The following MCC variants were observed in gnomAD, a reference collection of about 807,000 sequenced individuals.
MCC encodes MCC regulator of Wnt signaling pathway.
In MCC, 90 loss-of-function variants were observed where a neutral mutation model predicts 116.2. That is an observed-to-expected ratio of 0.77 (90% CI 0.65 to 0.92). The LOEUF is 0.92. Ranked by LOEUF, MCC falls within the 40% of genes least tolerant of loss-of-function variation. MCC has a pLI of 0.00. For synonymous variants in MCC, 578 were observed against 510.5 expected (o/e 1.13, Z -1.78); for missense variants, 1,516 against 1,312.2 (o/e 1.16, Z -2.40).
At chr5:113,379,229 T>G (rs1185648797) in intron 2 of MCC, among the ~76,000 whole-genome samples, 1 of 152,242 alleles carries the variant, frequency 6.6e-6, no homozygotes, top group Non-Finnish European at 1.5e-5. Context: ...ATCATCTCTT[T>G]CAACAGACTG....
At chr5:113,386,766 T>TATATATATATATATATATAC (rs1221535851) in intron 1 of MCC, among the ~76,000 whole-genome samples, 1 of 150,620 alleles carries the variant, frequency 6.6e-6, no homozygotes, top group Non-Finnish European at 1.5e-5. Context: ...TATATATATA[T>TATATATATATATATATATAC]ATATATATGC....
chr5:113,414,613 G>T (rs181717746), intron 1 of MCC, among the ~76,000 whole-genome samples: 4,440 of 151,596 alleles, frequency 0.029, 116 homozygotes, highest in Non-Finnish European at 0.039. Context: ...GCTTCCATTT[G>T]CTTGGTAGAT....
intron 3 of MCC, among the ~76,000 whole-genome samples, chr5:113,216,429 C>G (rs527773137): frequency 6.6e-6 from 1 of 152,158 alleles, no homozygotes; most frequent in Admixed American, 6.5e-5. Context: ...CCCATGGCCC[C>G]TGAACATCCC....
At chr5:113,158,122 C>G (rs956008856) in intron 3 of MCC, among the ~76,000 whole-genome samples, 1 of 152,198 alleles carries the variant, frequency 6.6e-6, no homozygotes, top group African/African-American at 2.4e-5. Flanking sequence ...AATTTCAAAC[C>G]TGCCAATTGT....
chr5:113,382,584 T>C (rs1407442359), intron 2 of MCC, among the ~76,000 whole-genome samples: 1 of 152,132 alleles, frequency 6.6e-6, no homozygotes, highest in Non-Finnish European at 1.5e-5. Context: ...ATGTATTTGA[T>C]TTACGTTAGG....
At chr5:113,174,376 C>T (rs1458093065) in intron 3 of MCC, among the ~76,000 whole-genome samples, 1 of 152,094 alleles carries the variant, frequency 6.6e-6, no homozygotes, top group Non-Finnish European at 1.5e-5. Flanking sequence ...CTGTTTGGCA[C>T]CTAAGGAGCA....
At chr5:113,150,266 T>C (rs987144756) in intron 4 of MCC, among the ~76,000 whole-genome samples, 2 of 152,210 alleles carry the variant, frequency 1.3e-5, no homozygotes, top group Admixed American at 1.3e-4. Context: ...TAGAAAGCCA[T>C]TTTAAACCCT....
chr5:113,396,852 C>T (rs1443752125), intron 1 of MCC, among the ~76,000 whole-genome samples: 1 of 152,084 alleles, frequency 6.6e-6, no homozygotes, highest in African/African-American at 2.4e-5. Context: ...TCTTCTTTTG[C>T]TTTTGATCAA....
At chr5:113,319,780 GC>G (rs1233879839) in intron 3 of MCC, among the ~76,000 whole-genome samples, 1 of 152,138 alleles carries the variant, frequency 6.6e-6, no homozygotes, top group Non-Finnish European at 1.5e-5. Flanking sequence ...TGTTTACCAG[GC>G]TTCCTGGATA....
chr5:113,458,124 A>C (rs1771630182), intron 1 of MCC, among the ~76,000 whole-genome samples: 1 of 152,146 alleles, frequency 6.6e-6, no homozygotes, highest in Non-Finnish European at 1.5e-5. Flanking sequence ...AGGCTGCCCG[A>C]GCTAGCAGTG....
intron 1 of MCC, among the ~76,000 whole-genome samples, chr5:113,410,394 T>C (rs1769952382): frequency 6.6e-6 from 1 of 152,216 alleles, no homozygotes; most frequent in South Asian, 2.1e-4. Flanking sequence ...ATCATGTATT[T>C]CTTATAAAAG....
intron 2 of MCC, among the ~76,000 whole-genome samples, chr5:113,383,580 C>T (rs1769177087): frequency 1.3e-5 from 2 of 151,884 alleles, no homozygotes; most frequent in South Asian, 4.2e-4. Context: ...CAAACGTAGG[C>T]AGTAGTTATT....
intron 3 of MCC, among the ~76,000 whole-genome samples, chr5:113,337,977 A>T (rs930595713): frequency 2.9e-4 from 44 of 152,194 alleles, no homozygotes; most frequent in African/African-American, 8.2e-4. Context: ...ACCATCATGT[A>T]TCACTCTCAC....
At chr5:113,085,430 G>T (rs1755146416) in intron 8 of MCC, 120 bp from the exon 9 acceptor site, 2 of 945,540 alleles carry the variant, frequency 2.1e-6, no homozygotes, top group Admixed American at 2.5e-5. Flanking sequence ...TGAAAAGCTA[G>T]GTTGGTTGAG....
At chr5:113,407,409 G>A (rs1178749155) in intron 1 of MCC, among the ~76,000 whole-genome samples, 3 of 152,160 alleles carry the variant, frequency 2.0e-5, no homozygotes, top group Non-Finnish European at 2.9e-5. Flanking sequence ...CTAGATGTAT[G>A]ACTGAACCTC....
rs1335470179 is a variant in MCC, at chr5:113,026,438, T to G, written c.*864A>C. On this transcript the variant is annotated 3_prime_UTR_variant, in exon 19 of 19. Coordinates refer to ENST00000408903, the MANE Select transcript of MCC (RefSeq NM_001085377.2). ...TGTAGTGCCCTGGGGCGGGAAGTGC[T>G]AATAATGTTTCTCAGCTCTTGAAGA... 6.6e-6 allele frequency: 1 copy of G among 152,244 alleles called. No individual in the cohort carries two copies. Among genetic ancestry groups the G allele is most frequent in the East Asian group, 1.9e-4 (1 of 5,194 alleles). The allele number at this position is 152,244 out of a possible 1,614,324, so 9.4% of individuals were successfully genotyped here.
intron 3 of MCC, among the ~76,000 whole-genome samples, chr5:113,262,828 T>G (rs1396401589): frequency 6.6e-6 from 1 of 152,134 alleles, no homozygotes; most frequent in African/African-American, 2.4e-5. Flanking sequence ...TTTGCATTTC[T>G]AACAAGGTCT....
chr5:113,287,303 T>C (rs771042748), intron 3 of MCC, among the ~76,000 whole-genome samples: 16 of 152,180 alleles, frequency 1.1e-4, no homozygotes, highest in Admixed American at 2.6e-4. Context: ...ATTCCCTGGA[T>C]CAAAAACTAA....
intron 3 of MCC, among the ~76,000 whole-genome samples, chr5:113,252,925 G>A (rs987969950): frequency 6.6e-6 from 1 of 152,228 alleles, no homozygotes; most frequent in Non-Finnish European, 1.5e-5. Context: ...CTTCTTGCAA[G>A]GGAACTGGCG....
Sources: allele counts gnomAD v4.1 joint callset (sites outside exome capture counted in the v4.1 genomes callset), GRCh38; gene constraint gnomAD v4.1.1; transcripts MANE v1.5; gene names NCBI Gene and HGNC (gene_info 2026-07-23, HGNC 2026-07-21).